Variants in FOSL1 observed in about 807,000 individuals in gnomAD.
FOSL1 encodes FOS like 1, AP-1 transcription factor subunit.
FOSL1 carries 14 observed loss-of-function variants against 24.9 expected under a neutral mutation model. The ratio of observed to expected loss-of-function variants is 0.56; its 90% confidence interval spans 0.37 to 0.88. The LOEUF (loss-of-function observed/expected upper bound fraction) is 0.88. FOSL1 is among the 40% of genes least tolerant of loss of function. FOSL1 has a pLI of 0.00. For missense variants in FOSL1, 318 were observed against 359.8 expected (o/e 0.88, Z 0.94); for synonymous variants, 133 against 145.1 (o/e 0.92, Z 0.60).
In FOSL1 at chr11:65,894,000, G is replaced by A. The variant is rs1447859171; in HGVS notation, c.405+14C>T. 1.3e-6 allele frequency: 2 copies of A among 1,550,324 alleles called. No homozygotes were observed. Among genetic ancestry groups the A allele is most frequent in the East Asian group, 2.4e-5 (1 of 42,356 alleles). The stretch of plus-strand genomic sequence containing the variant: ...GGGTCCCTCTGAGCTCGGTGGACCA[G>A]GGCTGGTGCTCACCGCCTGCAGGAA... On this transcript the variant is annotated intron_variant, in intron 3 of 3. Transcript: ENST00000312562.
Position 65,893,565 on chromosome 11 carries a change from C to T in FOSL1, c.406-269G>A, listed in dbSNP as rs112755115. 1.1e-3 allele frequency among the ~76,000 whole-genome samples: 166 copies of T among 152,140 alleles called. 1 individual carries two copies. The highest frequency in any genetic ancestry group is 3.7e-3 in the African/African-American group (154 of 41,498). On this transcript the variant is annotated intron_variant, in intron 3 of 3. Transcript: ENST00000312562. ...CAGCACTTTGGGAGGCTGAGGCGGG[C>T]GGATCACTTGAGACCAGGAGTTTGA... is the stretch of plus-strand genomic sequence containing the variant.
chr11:65,893,408 G>A (rs1321894747), intron 3 of FOSL1, 112 bp from the exon 4 acceptor site: 11 of 749,504 alleles, frequency 1.5e-5, no homozygotes, highest in South Asian at 1.1e-4. Context: ...GAGAGGGGGG[G>A]CAGTGGAGAG....
At chr11:65,895,695 G>C (rs1355099629) in intron 2 of FOSL1, among the ~76,000 whole-genome samples, 1 of 152,188 alleles carries the variant, frequency 6.6e-6, no homozygotes, top group Non-Finnish European at 1.5e-5. Flanking sequence ...CGCTTCTGCG[G>C]CTCATACCAC....
intron 2 of FOSL1, among the ~76,000 whole-genome samples, chr11:65,895,042 C>T (rs1032657060): frequency 2.6e-5 from 4 of 151,042 alleles, no homozygotes; most frequent in African/African-American, 9.7e-5. Flanking sequence ...TCAAGGGATC[C>T]TCCTGCACTG....
chr11:65,898,653 T>C (rs1860591201), intron 1 of FOSL1, among the ~76,000 whole-genome samples: 1 of 152,164 alleles, frequency 6.6e-6, no homozygotes, highest in Non-Finnish European at 1.5e-5. Context: ...TCTGAAATCA[T>C]AGTTTAATTG....
intron 2 of FOSL1, among the ~76,000 whole-genome samples, chr11:65,895,208 C>T (rs1414883824): frequency 1.3e-5 from 2 of 149,186 alleles, no homozygotes; most frequent in Non-Finnish European, 3.0e-5. Flanking sequence ...ACTGCAAGCT[C>T]CGCCTCCGGG....
rs374811980 is a variant in FOSL1 at position 65,896,843 on chromosome 11, G to C, written c.263C>G (p.Pro88Arg). ...PRPGVIRALGPPPGVRRRPCE... is the reference protein window; with the variant it reads ...PRPGVIRALGRPPGVRRRPCE... ...AGGCCTTCGACGTACCCCTGGAGGC[G>C]GCCCCAGGGCCCGGATGACTCCTGG... The change falls in exon 2 of 4, where the codon CCG becomes CGG. Residue 88 changes from proline (P) to arginine (R), a missense_variant. By Grantham distance (103) the Pro-to-Arg change is moderately radical (BLOSUM62 -2). Coordinates refer to ENST00000312562, the MANE Select transcript of FOSL1 (RefSeq NM_005438.5). 2.7e-5 allele frequency: 44 copies of C among 1,611,694 alleles called. No individual in the cohort carries two copies. The highest frequency in any genetic ancestry group is 3.7e-5 in the Non-Finnish European group (44 of 1,178,518).
intron 1 of FOSL1, among the ~76,000 whole-genome samples, chr11:65,898,146 T>C (rs1860579228): frequency 6.8e-6 from 1 of 147,258 alleles, no homozygotes; most frequent in Non-Finnish European, 1.5e-5. Flanking sequence ...ATTCAAGCAA[T>C]TCTCCTGCCT....
chr11:65,895,977 T>C (rs1860515472), intron 2 of FOSL1, among the ~76,000 whole-genome samples: 1 of 152,260 alleles, frequency 6.6e-6, no homozygotes, highest in Admixed American at 6.5e-5. Context: ...TTGAGCCTTC[T>C]GTTAGCTTCC....
chr11:65,893,885 A>G, intron 3 of FOSL1, 129 bp downstream of exon 3: 2 of 701,826 alleles, frequency 2.8e-6, no homozygotes, highest in South Asian at 1.5e-5. Context: ...TTTCCTCATC[A>G]TTTTCCCAGA....
chr11:65,897,029 C>A, intron 1 of FOSL1, 23 bp from the exon 2 acceptor site: 1 of 1,592,914 alleles, frequency 6.3e-7, no homozygotes, highest in Non-Finnish European at 8.6e-7. Flanking sequence ...AAATGGAAGG[C>A]CACAGATGAG....
At chr11:65,898,992 G>A (rs1860602556) in intron 1 of FOSL1, among the ~76,000 whole-genome samples, 1 of 149,586 alleles carries the variant, frequency 6.7e-6, no homozygotes, top group African/African-American at 2.5e-5. Flanking sequence ...AGAAAGAGAA[G>A]GAAAGAAAAT....
intron 1 of FOSL1, among the ~76,000 whole-genome samples, chr11:65,897,935 T>C (rs1860569185): frequency 6.7e-6 from 1 of 150,122 alleles, no homozygotes; most frequent in Admixed American, 6.7e-5. Flanking sequence ...TTCACCCAGG[T>C]TGGAGTGCAG....
Position 65,895,107 on chromosome 11 carries a change from T to A in FOSL1, c.298-986A>T, listed in dbSNP as rs1031964785. ...GAGTCACCACAGCTGGCCTCTTTTT[T>A]AAAAAAACATAGATTCTTTTTTTTT... On this transcript the variant is annotated intron_variant, in intron 2 of 3. Transcript: ENST00000312562. Among the ~76,000 whole-genome samples, 36 of 144,298 alleles carry A rather than the reference T, an allele frequency of 2.5e-4. No homozygotes were observed. In the Admixed American group the frequency reaches 2.5e-3, roughly 10 times the overall value. 94.7% of individuals were successfully genotyped at this position (144,298 alleles called of 152,430 possible).
intron 2 of FOSL1, among the ~76,000 whole-genome samples, chr11:65,895,099 C>T (rs1860491929): frequency 6.8e-6 from 1 of 147,834 alleles, no homozygotes; most frequent in Non-Finnish European, 1.5e-5. Context: ...CACAGCTGGC[C>T]TCTTTTTTAA....
intron 2 of FOSL1, among the ~76,000 whole-genome samples, chr11:65,894,766 C>T (rs1442294292): frequency 6.6e-6 from 1 of 152,070 alleles, no homozygotes; most frequent in Non-Finnish European, 1.5e-5. Flanking sequence ...AAGTGATTCT[C>T]GTGCCTCAGC....
At chr11:65,893,533 G>A (rs1860448682) in intron 3 of FOSL1, among the ~76,000 whole-genome samples, 1 of 152,190 alleles carries the variant, frequency 6.6e-6, no homozygotes, top group Non-Finnish European at 1.5e-5. Flanking sequence ...ACTCCGGCCT[G>A]TAATCCCAGC....
chr11:65,898,576 A>G (rs1860589617), intron 1 of FOSL1, among the ~76,000 whole-genome samples: 3 of 152,280 alleles, frequency 2.0e-5, no homozygotes, highest in South Asian at 4.1e-4. Context: ...CAGTTTCCTC[A>G]TTTTTAATAT....
intron 1 of FOSL1, among the ~76,000 whole-genome samples, chr11:65,899,599 A>G (rs1860620022): frequency 6.6e-6 from 1 of 152,202 alleles, no homozygotes. Context: ...CGGAACCTCG[A>G]GGTCTCTATT....
Sources: gnomAD v4.1 joint callset for allele counts (sites outside exome capture counted in the v4.1 genomes callset) on GRCh38, gnomAD v4.1.1 for gene constraint, MANE v1.5 for transcripts, NCBI Gene and HGNC (gene_info 2026-07-23, HGNC 2026-07-21) for gene names.